Variants in RMDN2 observed in about 807,000 individuals in gnomAD.
RMDN2 encodes regulator of microtubule dynamics protein 2.
RMDN2 carries 61 observed loss-of-function variants against 52.8 expected under a neutral mutation model. That is an observed-to-expected ratio of 1.16 (90% CI 0.94 to 1.43). The LOEUF is 1.43. RMDN2 is among the 40% of genes most tolerant of loss of function. The pLI, the probability that RMDN2 is intolerant of heterozygous loss-of-function variation, is 0.00. For synonymous variants in RMDN2, 180 were observed against 153.1 expected (o/e 1.18, Z -1.30); for missense variants, 592 against 475.3 (o/e 1.25, Z -2.28).
At chr2:37,945,437 G>T (rs1168771187) in intron 2 of RMDN2, among the ~76,000 whole-genome samples, 1 of 152,116 alleles carries the variant, frequency 6.6e-6, no homozygotes, top group Non-Finnish European at 1.5e-5. Flanking sequence ...ATCTTCCTGT[G>T]CCTTCTTCAA....
chr2:38,020,135 G>T (rs1156338114), downstream of RMDN2, among the ~76,000 whole-genome samples: 1 of 151,992 alleles, frequency 6.6e-6, no homozygotes, highest in Non-Finnish European at 1.5e-5. Context: ...GCGGGTGAGG[G>T]GATGGTTTCA....
chr2:38,059,097 G>A (rs567798054), intron 10 of RMDN2, among the ~76,000 whole-genome samples: 11 of 152,258 alleles, frequency 7.2e-5, no homozygotes, highest in South Asian at 4.2e-4. Context: ...AGAACTTTCC[G>A]CTATGATGGA....
At chr2:37,941,972 G>C (rs1289543620) in intron 2 of RMDN2, among the ~76,000 whole-genome samples, 4 of 151,218 alleles carry the variant, frequency 2.6e-5, no homozygotes, top group African/African-American at 9.7e-5. Flanking sequence ...CCTGCAGCTA[G>C]CTCGGTATCT....
At chr2:37,938,795 T>A (rs1558443642) in intron 2 of RMDN2, among the ~76,000 whole-genome samples, 1 of 152,220 alleles carries the variant, frequency 6.6e-6, no homozygotes, top group Non-Finnish European at 1.5e-5. Flanking sequence ...TCCTTTCTTC[T>A]TTATTAATCT....
intron 2 of RMDN2, 75 bp from the exon 3 acceptor site, chr2:37,973,965 T>C: frequency 8.3e-7 from 1 of 1,205,440 alleles, no homozygotes; most frequent in East Asian, 2.4e-5. Context: ...ATGATTTGAC[T>C]TGCATTTTAA....
chr2:38,001,402 C>T (rs562581880), intron 8 of RMDN2, among the ~76,000 whole-genome samples: 2 of 152,346 alleles, frequency 1.3e-5, no homozygotes, highest in African/African-American at 4.8e-5. Flanking sequence ...TAATGCTACC[C>T]TCCTTGTAAT....
chr2:38,012,829 A>T (rs147200716), intron 10 of RMDN2, among the ~76,000 whole-genome samples: 4 of 152,354 alleles, frequency 2.6e-5, no homozygotes, highest in African/African-American at 9.6e-5. Flanking sequence ...ACAAGAGGAC[A>T]ACCTAGCCAT....
intron 10 of RMDN2, among the ~76,000 whole-genome samples, chr2:38,066,398 A>C (rs1048020174): frequency 7.2e-5 from 11 of 152,236 alleles, no homozygotes; most frequent in African/African-American, 2.4e-4. Context: ...CATAATTCCA[A>C]GTTAAAAAAA....
chr2:37,989,823 G>C (rs1005317635), intron 6 of RMDN2, among the ~76,000 whole-genome samples: 4 of 152,098 alleles, frequency 2.6e-5, no homozygotes, highest in African/African-American at 7.2e-5. Flanking sequence ...GTGACAAAAA[G>C]AATTAAATTA....
chr2:37,931,888 G>C (rs1405152874), intron 2 of RMDN2, among the ~76,000 whole-genome samples: 1 of 152,128 alleles, frequency 6.6e-6, no homozygotes, highest in Non-Finnish European at 1.5e-5. Context: ...TAAAATACTA[G>C]AGTAGATGCA....
In RMDN2 at chr2:37,981,337, A is replaced by G. The variant is rs762730311; in HGVS notation, c.785A>G (p.His262Arg). Residue 262 changes from histidine (H) to arginine (R), a missense_variant, in exon 5 of 11, where the codon CAT becomes CGT. Coordinates refer to ENST00000354545, the MANE Select transcript of RMDN2 (RefSeq NM_001170791.3). ...INRAPMNGHCHLWYAVLCGYV... is the reference protein window; with the variant it reads ...INRAPMNGHCRLWYAVLCGYV... ...AGAGCACCCATGAATGGACATTGTC[A>G]TCTGTGGTAAGTGTATAGGATTTAT... 4 of 1,600,668 alleles carry G rather than the reference A, an allele frequency of 2.5e-6. No homozygotes were observed. The highest frequency in any genetic ancestry group is 2.6e-6 in the Non-Finnish European group (3 of 1,167,928).
intron 2 of RMDN2, among the ~76,000 whole-genome samples, chr2:37,963,853 G>A (rs1437261343): frequency 3.3e-5 from 5 of 151,508 alleles, no homozygotes; most frequent in Non-Finnish European, 7.4e-5. Context: ...ACGGGGTGGC[G>A]GCCGGGCAGA....
At chr2:38,006,752 G>A (rs1419448589) in intron 10 of RMDN2, among the ~76,000 whole-genome samples, 1 of 152,188 alleles carries the variant, frequency 6.6e-6, no homozygotes, top group African/African-American at 2.4e-5. Flanking sequence ...TTGAATAGGA[G>A]TGGTGAGAGA....
At chr2:37,974,979 G>A (rs1650374643) in intron 3 of RMDN2, 3 of 475,176 alleles carry the variant, frequency 6.3e-6, no homozygotes, top group African/African-American at 2.0e-5. Context: ...CTAGTGTCTG[G>A]ATAATATTAA....
chr2:37,925,662 G>A (rs1473133340), intron 1 of RMDN2, among the ~76,000 whole-genome samples: 1 of 152,224 alleles, frequency 6.6e-6, no homozygotes, highest in African/African-American at 2.4e-5. Context: ...GGAAGCCCTA[G>A]CCCCGGAGGT....
chr2:38,065,365 G>T (rs1682228140), intron 10 of RMDN2, among the ~76,000 whole-genome samples: 1 of 151,684 alleles, frequency 6.6e-6, no homozygotes, highest in Non-Finnish European at 1.5e-5. Context: ...TAAGGAAATA[G>T]GAATAAATTT....
chr2:38,041,260 C>T (rs933385072), intron 10 of RMDN2, among the ~76,000 whole-genome samples: 2 of 152,108 alleles, frequency 1.3e-5, no homozygotes, highest in African/African-American at 4.8e-5. Flanking sequence ...CTACTACCTG[C>T]CCTCCTCTCC....
chr2:37,962,408 G>A, intron 2 of RMDN2, among the ~76,000 whole-genome samples: 1 of 152,196 alleles, frequency 6.6e-6, no homozygotes, highest in East Asian at 1.9e-4. Flanking sequence ...GAGGAATCTA[G>A]AGAGGCAGTC....
chr2:37,944,803 A>G (rs1330067469), intron 2 of RMDN2, among the ~76,000 whole-genome samples: 3 of 152,220 alleles, frequency 2.0e-5, no homozygotes, highest in African/African-American at 7.2e-5. Context: ...TCCAGAGAAC[A>G]TATATTTTAT....
Sources: allele counts gnomAD v4.1 joint callset (sites outside exome capture counted in the v4.1 genomes callset), GRCh38; gene constraint gnomAD v4.1.1; transcripts MANE v1.5; gene names NCBI Gene and HGNC (gene_info 2026-07-23, HGNC 2026-07-21).